The following PLCZ1 variants were observed in gnomAD, a reference collection of about 807,000 sequenced individuals.
The protein encoded by PLCZ1 is 1-phosphatidylinositol 4,5-bisphosphate phosphodiesterase zeta-1.
In PLCZ1, 64 loss-of-function variants were observed where a neutral mutation model predicts 76.8. The ratio of observed to expected loss-of-function variants is 0.83; its 90% CI spans 0.68 to 1.03. The LOEUF (loss-of-function observed/expected upper bound fraction) is 1.03, where lower values mean the gene tolerates loss of function less well. Ranked by LOEUF, PLCZ1 falls within the 50% of genes least tolerant of loss-of-function variation. The pLI is 0.00. For missense variants in PLCZ1, 751 were observed against 713.7 expected (o/e 1.05, Z -0.60); for synonymous variants, 248 against 230.8 (o/e 1.07, Z -0.68).
At chr12:18,657,490 A>G in the PLCZ1 span, among the ~76,000 whole-genome samples, 6 of 152,186 alleles carry the variant, frequency 3.9e-5, no homozygotes, top group African/African-American at 1.4e-4. Context: ...ACATTCACAT[A>G]GAGCCCATAT....
the PLCZ1 span, among the ~76,000 whole-genome samples, chr12:18,652,278 A>G: frequency 1.8e-3 from 281 of 152,270 alleles, 1 homozygote; most frequent in Non-Finnish European, 1.1e-3. Flanking sequence ...TATATGACTG[A>G]TATACTTATG....
the PLCZ1 span, among the ~76,000 whole-genome samples, chr12:18,673,032 G>C: frequency 1.1e-4 from 17 of 152,110 alleles, no homozygotes; most frequent in African/African-American, 3.6e-4. Flanking sequence ...AAATACAGAA[G>C]TGTTTGCCAA....
chr12:18,721,948 A>G (rs1958467448), intron 4 of PLCZ1, among the ~76,000 whole-genome samples: 1 of 151,906 alleles, frequency 6.6e-6, no homozygotes, highest in African/African-American at 2.4e-5. Context: ...GCCTATAAGA[A>G]CCTATATGGT....
At chr12:18,650,700 GTGTGTATATATCTATATATATATATA>G in the PLCZ1 span, among the ~76,000 whole-genome samples, 18 of 43,826 alleles carry the variant, frequency 4.1e-4, no homozygotes, top group African/African-American at 1.6e-3. Context: ...GTGTGTGTGT[GTGTGTATATATCTATATATATATATA>G]TATATATATA....
chr12:18,675,212 C>T, the PLCZ1 span, among the ~76,000 whole-genome samples: 2 of 152,116 alleles, frequency 1.3e-5, no homozygotes, highest in African/African-American at 4.8e-5. Context: ...CATGAGTAAA[C>T]TCTCCTCCTC....
the PLCZ1 span, among the ~76,000 whole-genome samples, chr12:18,650,872 T>G: frequency 6.6e-6 from 1 of 151,138 alleles, no homozygotes; most frequent in African/African-American, 2.4e-5. Context: ...TCCAACTTAC[T>G]GCTATCATCC....
Position 18,712,984 on chromosome 12 carries a change from G to T in PLCZ1, c.572C>A (p.Ala191Asp). The T allele has an allele frequency of 6.2e-7, 1 of 1,613,718 alleles. No homozygotes were observed. The highest frequency in any genetic ancestry group is 8.5e-7 in the Non-Finnish European group (1 of 1,179,806). The change falls in exon 6 of 15, where the codon GCC becomes GAC. Residue 191 changes from alanine to aspartate, a missense_variant and splice_region_variant. By Grantham distance (126) the Ala-to-Asp change is moderately radical. Transcript: ENST00000266505. ...CAAACAACGGCATCCTTTCACAAGG[G>T]CACTAGCAAAATTTCAGCAAAATAA... is the stretch of plus-strand genomic sequence containing the variant. ...GPSDLWGYVS[A>D]LVKGCRCLEI...
At chr12:18,679,273 A>T (rs1952210031), downstream of PLCZ1, among the ~76,000 whole-genome samples, 1 of 152,012 alleles carries the variant, frequency 6.6e-6, no homozygotes, top group Admixed American at 6.6e-5. Flanking sequence ...ATGTATTCAA[A>T]AGGCAGAAGT....
downstream of PLCZ1, among the ~76,000 whole-genome samples, chr12:18,680,669 T>C (rs1952327744): frequency 6.6e-6 from 1 of 152,054 alleles, no homozygotes; most frequent in South Asian, 2.1e-4. Flanking sequence ...AGTCAGAATT[T>C]GTCCAGCCAA....
At chr12:18,711,032 A>C (rs865796886) in intron 6 of PLCZ1, among the ~76,000 whole-genome samples, 1 of 152,038 alleles carries the variant, frequency 6.6e-6, no homozygotes, top group African/African-American at 2.4e-5. Context: ...TCCCATTACT[A>C]GGTATATACC....
At chr12:18,662,313 G>T in the PLCZ1 span, among the ~76,000 whole-genome samples, 1 of 151,316 alleles carries the variant, frequency 6.6e-6, no homozygotes. Context: ...TAAACATAAA[G>T]GTTTTTAAGT....
chr12:18,737,221 C>G, intron 2 of PLCZ1, 140 bp downstream of exon 2: 1 of 902,402 alleles, frequency 1.1e-6, no homozygotes, highest in Non-Finnish European at 1.8e-6. Context: ...TAGAAAAGCT[C>G]AGAACAAACA....
chr12:18,661,473 A>T, the PLCZ1 span, among the ~76,000 whole-genome samples: 1 of 152,136 alleles, frequency 6.6e-6, no homozygotes, highest in East Asian at 1.9e-4. Context: ...CTAAAAGAAA[A>T]ACAACTGTCA....
chr12:18,736,690 C>A (rs945476659), intron 2 of PLCZ1: 1 of 1,290,564 alleles, frequency 7.7e-7, no homozygotes, highest in African/African-American at 1.5e-5. Flanking sequence ...GATCGCCTCT[C>A]ACCTGACCTC....
At chr12:18,736,086 T>G in intron 3 of PLCZ1, 135 bp downstream of exon 3, 1 of 976,854 alleles carries the variant, frequency 1.0e-6, no homozygotes, top group Non-Finnish European at 1.5e-6. Flanking sequence ...TGAAATGCTC[T>G]CCATCTTGAT....
chr12:18,678,777 T>C (rs1952171633), downstream of PLCZ1, among the ~76,000 whole-genome samples: 1 of 152,032 alleles, frequency 6.6e-6, no homozygotes, highest in Non-Finnish European at 1.5e-5. Context: ...CAGTTTGGGG[T>C]TATTATAAAA....
At chr12:18,676,986 T>G in the PLCZ1 span, among the ~76,000 whole-genome samples, 1 of 152,138 alleles carries the variant, frequency 6.6e-6, no homozygotes, top group Non-Finnish European at 1.5e-5. Context: ...ACAACTTTGT[T>G]GCTTACTGAA....
At chr12:18,654,019 T>G in the PLCZ1 span, among the ~76,000 whole-genome samples, 1 of 152,018 alleles carries the variant, frequency 6.6e-6, no homozygotes, top group Non-Finnish European at 1.5e-5. Context: ...TTTCTGATAG[T>G]TTCTTACTAT....
At chr12:18,735,309 A>G (rs1339758428) in intron 3 of PLCZ1, among the ~76,000 whole-genome samples, 1 of 152,188 alleles carries the variant, frequency 6.6e-6, no homozygotes, top group Non-Finnish European at 1.5e-5. Flanking sequence ...TTTTAGAAGC[A>G]TTTCAGAAGG....
Sources: allele counts gnomAD v4.1 joint callset (sites outside exome capture counted in the v4.1 genomes callset), GRCh38; gene constraint gnomAD v4.1.1; transcripts MANE v1.5; gene names NCBI Gene and HGNC (gene_info 2026-07-23, HGNC 2026-07-21).